Variants in FBXL16 observed in about 807,000 individuals in gnomAD.
The protein encoded by FBXL16 is F-box/LRR-repeat protein 16.
A neutral mutation model predicts 36.7 loss-of-function variants in FBXL16; 7 were observed. That is an observed-to-expected ratio of 0.19 (90% CI 0.11 to 0.36). The LOEUF (loss-of-function observed/expected upper bound fraction) is 0.36. Ranked by LOEUF, FBXL16 falls within the 10% of genes least tolerant of loss-of-function variation. The pLI is 1.00. For missense variants in FBXL16, 463 were observed against 659.4 expected (o/e 0.70, Z 3.26); for synonymous variants, 355 against 308.7 (o/e 1.15, Z -1.57).
chr16:697,168 G>A lies in FBXL16; in HGVS notation c.238C>T (p.Pro80Ser). The A allele has an allele frequency of 1.3e-6, 2 of 1,576,928 alleles. No individual in the cohort carries two copies. The highest frequency in any genetic ancestry group is 1.7e-6 in the Non-Finnish European group (2 of 1,164,806). ...TGCCCAGGTGCCAAGGCTGAGGCTGGTCCACCTGCCGGGGTGCACGGGCCC... is the reference window on the plus strand; with the variant it reads ...TGCCCAGGTGCCAAGGCTGAGGCTGATCCACCTGCCGGGGTGCACGGGCCC... ...AGGPCTPAGGPASALAPGHPA... is the reference protein window; with the variant it reads ...AGGPCTPAGGSASALAPGHPA... The change falls in exon 2 of 6, where the codon CCA (proline) becomes TCA (serine). Residue 80 changes from proline to serine, a missense_variant. Pro to Ser is a moderately conservative substitution (Grantham distance 74). This residue lies in a region of FBXL16 where 263 missense variants were observed against 341.1 expected (regional missense o/e 0.77). Coordinates refer to ENST00000397621, the MANE Select transcript of FBXL16 (RefSeq NM_153350.4). The surrounding 1 kb of genome is among the most constrained non-coding windows in gnomAD (Gnocchi z 4.6).
chr16:700,134 G>C (rs982091195), intron 1 of FBXL16, among the ~76,000 whole-genome samples: 1 of 152,230 alleles, frequency 6.6e-6, no homozygotes, highest in Non-Finnish European at 1.5e-5. Flanking sequence ...GACAGGGCCA[G>C]CCTTGCCACC....
At chr16:698,483 C>T (rs1052003055) in intron 1 of FBXL16, among the ~76,000 whole-genome samples, 2 of 152,230 alleles carry the variant, frequency 1.3e-5, no homozygotes, top group Non-Finnish European at 2.9e-5. Context: ...CCCCTCTGGG[C>T]AGGCCAGGGG....
In FBXL16 at chr16:696,962, G is replaced by A. The variant is rs751043548; in HGVS notation, c.444C>T (p.Asn148=). Residue 148 remains asparagine (N), a synonymous_variant, in exon 2 of 6, where the codon AAC becomes AAT. Transcript: ENST00000397621. Reference sequence around the variant, plus strand: ...ACTCCTTCTCGCCACCAGGCAGCACGTTGTAGAGCTCCTTGGCATGCAGCA... The same window carrying A: ...ACTCCTTCTCGCCACCAGGCAGCACATTGTAGAGCTCCTTGGCATGCAGCA... ...TPVLHAKELY[N]VLPGGEKEFV... is the part of the protein sequence containing the mutation. 7 of 1,601,166 alleles carry A rather than the reference G, an allele frequency of 4.4e-6. No individual in the cohort carries two copies. The highest frequency in any genetic ancestry group is 2.7e-5 in the African/African-American group (2 of 74,660).
chr16:694,299 C>T lies in FBXL16; in HGVS notation c.1416G>A (p.Leu472=), dbSNP rs376410129. The T allele has an allele frequency of 6.9e-7, 1 of 1,455,488 alleles. No individual in the cohort carries two copies. Among genetic ancestry groups the T allele is most frequent in the Non-Finnish European group, 9.1e-7 (1 of 1,103,456 alleles). The allele number at this position is 1,455,488 out of a possible 1,614,324, so 90.2% of individuals were successfully genotyped here. A position where few individuals can be genotyped will look rare whatever the true frequency, so the allele number is the denominator to read the frequency against. ...GCTACTCAATGACGAGGCAGCGGGG[C>T]AGGTGCTGCGAGAAATACTTGAAGA... The part of the protein sequence containing the change: ...PELFKYFSQH[L]PRCLVIE Residue 472 remains leucine, a synonymous_variant, in exon 6 of 6, where the codon CTG becomes CTA. Transcript: ENST00000397621.
rs1306718149 is a variant in FBXL16 at position 692,889 on chromosome 16, C to G, written c.*1386G>C. 2 of 152,090 alleles carry G rather than the reference C, an allele frequency of 1.3e-5. No individual in the cohort carries two copies. Among genetic ancestry groups the G allele is most frequent in the Non-Finnish European group, 2.9e-5 (2 of 67,992 alleles). 9.4% of individuals were successfully genotyped at this position (152,090 alleles called of 1,614,324 possible). A position where few individuals can be genotyped will look rare whatever the true frequency, so the allele number is the denominator to read the frequency against. ...TGATCTGTTTCTGATTCAACAGCAT[C>G]TCTCTCTCTCTTTCTCTCTCTCTCT... On this transcript the variant is annotated 3_prime_UTR_variant, in exon 6 of 6. Transcript: ENST00000397621.
chr16:697,472 C>G lies in FBXL16; in HGVS notation c.-14-53G>C. ...GAGTCTGTTGCTGAGTCTGGAAGGC[C>G]GGGGTTGGGGGCGGGTGCAGTGGGG... On this transcript the variant is annotated intron_variant, in intron 1 of 5. Transcript: ENST00000397621. The surrounding 1 kb of genome is among the most constrained non-coding windows in gnomAD (Gnocchi z 4.6). 2 of 1,466,712 alleles carry G rather than the reference C, an allele frequency of 1.4e-6. No individual in the cohort carries two copies. The highest frequency in any genetic ancestry group is 2.7e-5 in the South Asian group (2 of 74,628). 90.9% of individuals were successfully genotyped at this position (1,466,712 alleles called of 1,614,324 possible).
rs1195899343 is a variant in FBXL16, at chr16:695,858, C to T, written c.699G>A (p.Glu233=). 4.4e-6 allele frequency: 7 copies of T among 1,603,832 alleles called. No individual in the cohort carries two copies. The South Asian group carries it at 6.6e-5, about 15-fold the overall frequency. ...CGCTCAGGCTGGACCACAGCCCGGC[C>T]TCGGTGAAGTCGTTGCAGCCCGACA... is the stretch of plus-strand genomic sequence containing the variant. ...LELSGCNDFT[E]AGLWSSLSAR... is the part of the protein sequence containing the mutation. Residue 233 remains glutamate (E), a synonymous_variant, in exon 3 of 6, where the codon GAG becomes GAA. Coordinates refer to ENST00000397621, the MANE Select transcript of FBXL16 (RefSeq NM_153350.4).
chr16:701,049 C>G (rs1258719359), intron 1 of FBXL16, among the ~76,000 whole-genome samples: 3 of 152,166 alleles, frequency 2.0e-5, no homozygotes, highest in Admixed American at 1.3e-4. Context: ...TGGGCCTGCA[C>G]GTGGAGCGCC....
In FBXL16 at chr16:697,766, C is replaced by T. The variant is rs1381919190; in HGVS notation, c.-14-347G>A. Among the ~76,000 whole-genome samples, 3 of 152,020 alleles carry T rather than the reference C, an allele frequency of 2.0e-5. No homozygotes were observed. The highest frequency in any genetic ancestry group is 4.4e-5 in the Non-Finnish European group (3 of 68,010). On this transcript the variant is annotated intron_variant, in intron 1 of 5. Coordinates refer to ENST00000397621, the MANE Select transcript of FBXL16 (RefSeq NM_153350.4). This position sits in a 1 kb window ranked among gnomAD's most constrained non-coding sequence, Gnocchi z 4.6. ...CTGTAATCCCAGCACTTTGGGAGGCCGAGGCGGGTGGATCATGAGGTCAGG... is the reference window on the plus strand; with the variant it reads ...CTGTAATCCCAGCACTTTGGGAGGCTGAGGCGGGTGGATCATGAGGTCAGG...
chr16:702,919 T>C (rs1192122838), intron 1 of FBXL16, among the ~76,000 whole-genome samples: 1 of 151,682 alleles, frequency 6.6e-6, no homozygotes, highest in Non-Finnish European at 1.5e-5. Context: ...GGGAAGGGGG[T>C]CCTCCTGCCC....
chr16:696,537 G>A (rs562322219), intron 2 of FBXL16, among the ~76,000 whole-genome samples: 127 of 152,316 alleles, frequency 8.3e-4, no homozygotes, highest in African/African-American at 3.0e-3. Context: ...GTGCCGGGAT[G>A]ACAGGCTTGA....
intron 3 of FBXL16, 43 bp from the exon 4 acceptor site, chr16:695,119 G>A (rs2040000394): frequency 1.3e-6 from 2 of 1,567,652 alleles, no homozygotes; most frequent in Non-Finnish European, 1.7e-6. Flanking sequence ...AAATCACCTG[G>A]CCCCGGCCAT....
Position 695,860 on chromosome 16 carries a change from C to G in FBXL16, c.697G>C (p.Glu233Gln). Residue 233 changes from glutamate (E) to glutamine (Q), a missense_variant, in exon 3 of 6, where the codon GAG (glutamate) becomes CAG (glutamine). This residue lies in a region of FBXL16 where 263 missense variants were observed against 341.1 expected (regional missense o/e 0.77). Coordinates refer to ENST00000397621, the MANE Select transcript of FBXL16 (RefSeq NM_153350.4). ...CTCAGGCTGGACCACAGCCCGGCCTCGGTGAAGTCGTTGCAGCCCGACAGC... is the reference window on the plus strand; with the variant it reads ...CTCAGGCTGGACCACAGCCCGGCCTGGGTGAAGTCGTTGCAGCCCGACAGC... ...LELSGCNDFT[E>Q]AGLWSSLSAR... The G allele has an allele frequency of 6.2e-7, 1 of 1,603,166 alleles. No homozygotes were observed. Among genetic ancestry groups the G allele is most frequent in the Non-Finnish European group, 8.5e-7 (1 of 1,172,814 alleles).
chr16:702,682 G>C (rs1000610108), intron 1 of FBXL16, among the ~76,000 whole-genome samples: 1 of 152,226 alleles, frequency 6.6e-6, no homozygotes, highest in Non-Finnish European at 1.5e-5. Context: ...AACCCGGATC[G>C]TGCCATGGCC....
At position 697,372 on chromosome 16, in the gene FBXL16, G is replaced by A; in HGVS notation, c.34C>T (p.Pro12Ser). 1.3e-6 allele frequency: 2 copies of A among 1,537,062 alleles called. No homozygotes were observed. The highest frequency in any genetic ancestry group is 1.2e-5 in the South Asian group (1 of 84,094). The change falls in exon 2 of 6, where the codon CCT becomes TCT. Residue 12 changes from proline to serine, a missense_variant. By Grantham distance (74) the Pro-to-Ser change is moderately conservative. Coordinates refer to ENST00000397621, the MANE Select transcript of FBXL16 (RefSeq NM_153350.4). The surrounding 1 kb of genome is among the most constrained non-coding windows in gnomAD (Gnocchi z 4.6). ...SSPGIDGDPK[P>S]PCLPRNGLVK... ...AGACCGTTTCGAGGCAAGCATGGAG[G>A]CTTGGGGTCGCCGTCGATGCCCGGG... is the stretch of plus-strand genomic sequence containing the variant.
intron 1 of FBXL16, among the ~76,000 whole-genome samples, chr16:700,420 T>G (rs1206457126): frequency 1.3e-5 from 2 of 151,954 alleles, no homozygotes; most frequent in Non-Finnish European, 2.9e-5. Context: ...GAGGCCGACA[T>G]CACAACGTTT....
At chr16:694,805 C>A in intron 4 of FBXL16, 108 bp from the exon 5 acceptor site, 1 of 1,337,026 alleles carries the variant, frequency 7.5e-7, no homozygotes, top group Non-Finnish European at 1.0e-6. Flanking sequence ...TTCCTCCGTC[C>A]CCCCCGGAGC....
In FBXL16 at chr16:697,552, G is replaced by T; in HGVS notation, c.-14-133C>A. ...GCTCCCAGAACCACCAGACAGAGAG[G>T]ATGGGAGTGCCTGCTTCTCCCTCCC... On this transcript the variant is annotated intron_variant, in intron 1 of 5. Coordinates refer to ENST00000397621, the MANE Select transcript of FBXL16 (RefSeq NM_153350.4). This position sits in a 1 kb window ranked among gnomAD's most constrained non-coding sequence, Gnocchi z 4.6. 8.5e-7 allele frequency: 1 copy of T among 1,177,918 alleles called. No individual in the cohort carries two copies. The highest frequency in any genetic ancestry group is 1.1e-6 in the Non-Finnish European group (1 of 873,488). 73.0% of individuals were successfully genotyped at this position (1,177,918 alleles called of 1,614,324 possible).
At chr16:699,906 A>G (rs923993060) in intron 1 of FBXL16, among the ~76,000 whole-genome samples, 2 of 152,186 alleles carry the variant, frequency 1.3e-5, no homozygotes, top group Non-Finnish European at 2.9e-5. Flanking sequence ...AGGATGGCTC[A>G]CATCTTTTTG....
Sources: allele counts gnomAD v4.1 joint callset (sites outside exome capture counted in the v4.1 genomes callset), GRCh38; gene constraint gnomAD v4.1.1; regional missense constraint gnomAD v4.1.1; non-coding constraint Gnocchi (gnomAD v3.1); transcripts MANE v1.5; gene names NCBI Gene and HGNC (gene_info 2026-07-23, HGNC 2026-07-21).